SNTB1: variants seen among roughly 807,000 people sequenced by gnomAD.
SNTB1 encodes syntrophin beta 1.
SNTB1 carries 36 observed loss-of-function variants against 48.9 expected under a neutral mutation model. The ratio of observed to expected loss-of-function variants is 0.74; its 90% CI spans 0.56 to 0.97. The LOEUF (loss-of-function observed/expected upper bound fraction) is 0.97. Ranked by LOEUF, SNTB1 falls within the 50% of genes least tolerant of loss-of-function variation. The pLI is 0.00. For missense variants in SNTB1, 786 were observed against 703.4 expected (o/e 1.12, Z -1.33); for synonymous variants, 299 against 294.6 (o/e 1.01, Z -0.15).
Position 120,596,096 on chromosome 8 carries a change from A to G in SNTB1, c.997-20871T>C, listed in dbSNP as rs561252689. Among the ~76,000 whole-genome samples the G allele has an allele frequency of 4.6e-5, 7 of 152,338 alleles. 1 individual carries two copies. The highest frequency in any genetic ancestry group is 2.6e-4 in the Admixed American group (4 of 15,306). On this transcript the variant is annotated intron_variant, in intron 3 of 6. Coordinates refer to ENST00000517992, the MANE Select transcript of SNTB1 (RefSeq NM_021021.4). Reference sequence around the variant, plus strand: ...CAATGACATACGTATAATCACATACATCCATACCCCCCAGGGGTAGGGGAT... The same window carrying G: ...CAATGACATACGTATAATCACATACGTCCATACCCCCCAGGGGTAGGGGAT...
At chr8:120,614,789 G>A (rs7009902) in intron 3 of SNTB1, among the ~76,000 whole-genome samples, 14,336 of 151,782 alleles carry the variant, frequency 0.094, 1,259 homozygotes, top group East Asian at 0.43. Flanking sequence ...AAGACAGTAT[G>A]TTTTTTCCAC....
intron 2 of SNTB1, among the ~76,000 whole-genome samples, chr8:120,673,753 A>C (rs1587079549): frequency 0.056 from 1 of 18 alleles, no homozygotes; most frequent in African/African-American, 0.25. Flanking sequence ...TGTCCCTCCC[A>C]AAGGCCAACC....
chr8:120,557,450 G>T (rs1815583325), intron 4 of SNTB1, among the ~76,000 whole-genome samples: 1 of 152,156 alleles, frequency 6.6e-6, no homozygotes, highest in Admixed American at 6.5e-5. Flanking sequence ...AGAGGTTCTT[G>T]GGTGCTTACT....
At chr8:120,547,592 CAAAAAAAAAA>C (rs11289979) in intron 5 of SNTB1, among the ~76,000 whole-genome samples, 1 of 89,070 alleles carries the variant, frequency 1.1e-5, no homozygotes, top group South Asian at 4.1e-4. Context: ...AACACTGTCT[CAAAAAAAAAA>C]AAAAAAAAAA....
chr8:120,769,496 C>CTAG (rs1445709723), intron 1 of SNTB1: 1 of 152,214 alleles, frequency 6.6e-6, no homozygotes, highest in Non-Finnish European at 1.5e-5. Context: ...CTTTCAGAGA[C>CTAG]TAGCAGCTTC....
At chr8:120,697,712 C>G (rs777813261) in intron 1 of SNTB1, among the ~76,000 whole-genome samples, 5 of 152,110 alleles carry the variant, frequency 3.3e-5, no homozygotes, top group Non-Finnish European at 7.4e-5. Context: ...GTACCATGTG[C>G]AAGAACCAGC....
intron 2 of SNTB1, among the ~76,000 whole-genome samples, chr8:120,686,310 A>C (rs945533629): frequency 6.6e-6 from 1 of 152,252 alleles, no homozygotes; most frequent in African/African-American, 2.4e-5. Flanking sequence ...TAGATTGGGT[A>C]GTTTACAAAC....
Position 120,605,215 on chromosome 8 carries a change from A to C in SNTB1, c.996+27229T>G, listed in dbSNP as rs151065450. On this transcript the variant is annotated intron_variant, in intron 3 of 6. Transcript: ENST00000517992. ...GCAGTCCCCTTTCTATAGGGCTTGGAGGAACAGCAAGAAATGGGCTTAGTC... is the reference window on the plus strand; with the variant it reads ...GCAGTCCCCTTTCTATAGGGCTTGGCGGAACAGCAAGAAATGGGCTTAGTC... Among the ~76,000 whole-genome samples the C allele has an allele frequency of 8.0e-3, 1,214 of 152,318 alleles. 18 individuals are homozygous for C. Among genetic ancestry groups the C allele is most frequent in the African/African-American group, 0.025 (1,038 of 41,566 alleles).
At chr8:120,641,826 A>G (rs1817201566) in intron 2 of SNTB1, among the ~76,000 whole-genome samples, 1 of 152,194 alleles carries the variant, frequency 6.6e-6, no homozygotes, top group African/African-American at 2.4e-5. Flanking sequence ...CACTATTCAA[A>G]TTTCTAACAC....
At position 120,686,590 on chromosome 8, in the gene SNTB1, T is replaced by TG. The variant is rs556955086; in HGVS notation, c.788+7101dup. ...AAGATTAGGTTTCAATATGTGAATT[T>TG]GGGGGGTGGGGGGACACAAACATTA... On this transcript the variant is annotated intron_variant, in intron 2 of 6. Coordinates refer to ENST00000517992, the MANE Select transcript of SNTB1 (RefSeq NM_021021.4). 9.6e-4 allele frequency among the ~76,000 whole-genome samples: 144 copies of TG among 150,124 alleles called. 1 individual carries two copies. Among genetic ancestry groups the TG allele is most frequent in the African/African-American group, 3.3e-3 (137 of 41,018 alleles).
chr8:120,737,145 A>T (rs1818959598), intron 1 of SNTB1, among the ~76,000 whole-genome samples: 1 of 152,212 alleles, frequency 6.6e-6, no homozygotes, highest in Admixed American at 6.5e-5. Context: ...AAATATGGGT[A>T]TTAAAAATAA....
At chr8:120,745,584 C>A (rs1587130503) in intron 1 of SNTB1, among the ~76,000 whole-genome samples, 1 of 152,102 alleles carries the variant, frequency 6.6e-6, no homozygotes, top group Non-Finnish European at 1.5e-5. Flanking sequence ...GGGAGGAGCC[C>A]TTCCTAGCTC....
chr8:120,636,707 G>T (rs1817085592), intron 2 of SNTB1, among the ~76,000 whole-genome samples: 2 of 151,446 alleles, frequency 1.3e-5, no homozygotes, highest in Admixed American at 6.6e-5. Context: ...AAACATACGT[G>T]TGCATGTGTC....
chr8:120,710,449 C>T (rs939082733), intron 1 of SNTB1, among the ~76,000 whole-genome samples: 1 of 152,168 alleles, frequency 6.6e-6, no homozygotes, highest in Non-Finnish European at 1.5e-5. Flanking sequence ...TAACATGTAA[C>T]GCACAAATTT....
At chr8:120,767,210 T>C (rs1819540938) in intron 1 of SNTB1, among the ~76,000 whole-genome samples, 2 of 152,200 alleles carry the variant, frequency 1.3e-5, no homozygotes, top group African/African-American at 2.4e-5. Flanking sequence ...TGTATTCTAG[T>C]TTGTTTCCAT....
In SNTB1 at chr8:120,541,870, C is replaced by T. The variant is rs780590534; in HGVS notation, c.1464G>A (p.Met488Ile). ...IIQSPYEKLK[M>I]SSDDGIRMLY... ...GCATCCTGATTCCATCATCTGAAGA[C>T]ATTTTGAGCTTTTCATAAGGAGACT... The change falls in exon 6 of 7, where the codon ATG (methionine) becomes ATA (isoleucine). Residue 488 changes from methionine to isoleucine, a missense_variant. Transcript: ENST00000517992. 11 of 1,613,982 alleles carry T rather than the reference C, an allele frequency of 6.8e-6. No individual in the cohort carries two copies. Among genetic ancestry groups the T allele is most frequent in the Non-Finnish European group, 9.3e-6 (11 of 1,179,934 alleles).
chr8:120,539,681 A>T (rs1031430119), intron 6 of SNTB1, among the ~76,000 whole-genome samples: 1 of 152,198 alleles, frequency 6.6e-6, no homozygotes, highest in East Asian at 1.9e-4. Context: ...AATTTAGGGA[A>T]ATTGGGAGAG....
intron 2 of SNTB1, among the ~76,000 whole-genome samples, chr8:120,673,886 G>A (rs1269576667): frequency 6.6e-6 from 1 of 152,130 alleles, no homozygotes; most frequent in African/African-American, 2.4e-5. Context: ...TGGAAGTAGG[G>A]AGTCGACCTA....
At chr8:120,779,921 G>T (rs1276992152) in intron 1 of SNTB1, among the ~76,000 whole-genome samples, 3 of 152,022 alleles carry the variant, frequency 2.0e-5, no homozygotes, top group Non-Finnish European at 4.4e-5. Context: ...AGGGTTGTCT[G>T]CAAAAAACAA....
Sources: allele counts gnomAD v4.1 joint callset (sites outside exome capture counted in the v4.1 genomes callset), GRCh38; gene constraint gnomAD v4.1.1; transcripts MANE v1.5; gene names NCBI Gene and HGNC (gene_info 2026-07-23, HGNC 2026-07-21).